Variants in CCDC178 observed in about 807,000 individuals in gnomAD.
CCDC178 encodes coiled-coil domain-containing protein 178.
A neutral mutation model predicts 117.4 loss-of-function variants in CCDC178; 126 were observed. That is an observed-to-expected ratio of 1.07 (90% CI 0.93 to 1.24). CCDC178 has a LOEUF of 1.24. Ranked by LOEUF, CCDC178 falls within the 50% of genes most tolerant of loss-of-function variation. The probability of loss-of-function intolerance (pLI) is 0.00; values close to 1 mark genes in which losing one functional copy is unlikely to be tolerated. For missense variants in CCDC178, 1,030 were observed against 986.9 expected (o/e 1.04, Z -0.59); for synonymous variants, 283 against 313.4 (o/e 0.90, Z 1.02).
intron 22 of CCDC178, among the ~76,000 whole-genome samples, chr18:32,942,066 G>A (rs1003418355): frequency 7.2e-5 from 11 of 152,156 alleles, no homozygotes; most frequent in African/African-American, 2.4e-4. Flanking sequence ...AGAGAAAATG[G>A]GAGGATATAT....
chr18:33,237,303 G>A (rs1303407851), intron 15 of CCDC178, among the ~76,000 whole-genome samples: 1 of 152,046 alleles, frequency 6.6e-6, no homozygotes, highest in African/African-American at 2.4e-5. Context: ...TTCCATCTAG[G>A]AAAGGATCTG....
chr18:32,962,867 A>C (rs2054734845), intron 22 of CCDC178, among the ~76,000 whole-genome samples: 1 of 152,090 alleles, frequency 6.6e-6, no homozygotes, highest in African/African-American at 2.4e-5. Context: ...AATACTATAC[A>C]AAAAATACCT....
At chr18:33,175,613 A>C (rs992039363) in intron 20 of CCDC178, among the ~76,000 whole-genome samples, 5 of 152,158 alleles carry the variant, frequency 3.3e-5, no homozygotes, top group South Asian at 2.1e-4. Context: ...TTTCTATCTG[A>C]AACACTAAGC....
In CCDC178 at chr18:33,382,854, C is replaced by T. The variant is rs555933672; in HGVS notation, c.208+6686G>A. Among the ~76,000 whole-genome samples the T allele has an allele frequency of 2.7e-4, 41 of 152,254 alleles. No individual in the cohort carries two copies. The East Asian group carries it at 7.4e-3, about 27-fold the overall frequency. Reference sequence around the variant, plus strand: ...CACTCACATGGAAAGGGGGCTGAAGCCAGGGAGCCAGCAGTCTTGCTTGGC... The same window carrying T: ...CACTCACATGGAAAGGGGGCTGAAGTCAGGGAGCCAGCAGTCTTGCTTGGC... On this transcript the variant is annotated intron_variant, in intron 5 of 22. Transcript: ENST00000383096.
At chr18:33,050,339 A>T (rs1178844546) in intron 21 of CCDC178, among the ~76,000 whole-genome samples, 3 of 152,212 alleles carry the variant, frequency 2.0e-5, no homozygotes, top group Non-Finnish European at 4.4e-5. Context: ...AAACCGCCGA[A>T]GTTTGAAATC....
intron 20 of CCDC178, among the ~76,000 whole-genome samples, chr18:33,179,081 ATATATATAT>A (rs2058699475): frequency 1.6e-5 from 1 of 62,140 alleles, no homozygotes; most frequent in Non-Finnish European, 2.8e-5. Context: ...AAAAAAAAAT[ATATATATAT>A]ATATATATAT....
chr18:33,141,132 T>A (rs1051079784), intron 20 of CCDC178, among the ~76,000 whole-genome samples: 8 of 152,284 alleles, frequency 5.3e-5, no homozygotes, highest in African/African-American at 1.7e-4. Context: ...CAATTAAACC[T>A]CTTTTTTATT....
At chr18:32,999,247 T>C (rs941048765) in intron 21 of CCDC178, among the ~76,000 whole-genome samples, 1 of 152,080 alleles carries the variant, frequency 6.6e-6, no homozygotes, top group Non-Finnish European at 1.5e-5. Flanking sequence ...GAGAGAATCA[T>C]CTGCTTATTA....
chr18:33,348,951 G>A lies in CCDC178; in HGVS notation c.396C>T (p.Asp132=), dbSNP rs2062933069. The part of the protein sequence containing the change: ...EEWSRTSSTK[D]LKEDWSVTTP... ...TAGTTACACTCCAATCTTCTTTCAGGTCTTTTGTGGAAGAAGTTCTGCTCC... is the reference window on the plus strand; with the variant it reads ...TAGTTACACTCCAATCTTCTTTCAGATCTTTTGTGGAAGAAGTTCTGCTCC... Residue 132 remains aspartate (D), a synonymous_variant, in exon 8 of 23, where the codon GAC becomes GAT. Coordinates refer to ENST00000383096, the MANE Select transcript of CCDC178 (RefSeq NM_001105528.4). 6.2e-7 allele frequency: 1 copy of A among 1,608,576 alleles called. No individual in the cohort carries two copies. Among genetic ancestry groups the A allele is most frequent in the Non-Finnish European group, 8.5e-7 (1 of 1,177,126 alleles).
chr18:33,418,111 C>T (rs538145669), intron 2 of CCDC178, among the ~76,000 whole-genome samples: 2 of 152,252 alleles, frequency 1.3e-5, no homozygotes, highest in African/African-American at 4.8e-5. Context: ...TACTAGCAAA[C>T]CAAATTCAAC....
chr18:33,030,871 T>C (rs1339673090), intron 21 of CCDC178, among the ~76,000 whole-genome samples: 1 of 152,116 alleles, frequency 6.6e-6, no homozygotes, highest in Non-Finnish European at 1.5e-5. Flanking sequence ...AGAATTCCAA[T>C]AGACTGACCA....
intron 20 of CCDC178, among the ~76,000 whole-genome samples, chr18:33,189,201 G>C (rs1392937058): frequency 6.6e-6 from 1 of 152,112 alleles, no homozygotes; most frequent in African/African-American, 2.4e-5. Flanking sequence ...GCTAATAACA[G>C]AAACCCCATG....
At chr18:33,028,094 T>C (rs1297096542) in intron 21 of CCDC178, among the ~76,000 whole-genome samples, 1 of 151,502 alleles carries the variant, frequency 6.6e-6, no homozygotes, top group African/African-American at 2.4e-5. Flanking sequence ...AGTGAAAGAA[T>C]TGCAAACAAA....
At chr18:33,232,864 C>A (rs541500301) in intron 15 of CCDC178, among the ~76,000 whole-genome samples, 1 of 152,164 alleles carries the variant, frequency 6.6e-6, no homozygotes, top group South Asian at 2.1e-4. Flanking sequence ...ACTACAAAAG[C>A]AGAAGTCTCA....
intron 21 of CCDC178, among the ~76,000 whole-genome samples, chr18:33,020,676 T>C (rs903007407): frequency 7.2e-5 from 11 of 152,216 alleles, no homozygotes; most frequent in Non-Finnish European, 1.6e-4. Context: ...AATTACGTAC[T>C]GAGTTTCTCC....
chr18:33,039,108 C>T (rs1268938479), intron 21 of CCDC178, among the ~76,000 whole-genome samples: 3 of 151,824 alleles, frequency 2.0e-5, no homozygotes, highest in African/African-American at 7.3e-5. Flanking sequence ...AACAAAGAGA[C>T]ATGAAAATAA....
intron 20 of CCDC178, among the ~76,000 whole-genome samples, chr18:33,210,761 A>AG (rs1420001164): frequency 6.6e-6 from 1 of 152,052 alleles, no homozygotes; most frequent in African/African-American, 2.4e-5. Flanking sequence ...TGCTCTAAGA[A>AG]GAGGCATCAC....
At chr18:33,194,179 C>T (rs1052671372) in intron 20 of CCDC178, among the ~76,000 whole-genome samples, 10 of 151,760 alleles carry the variant, frequency 6.6e-5, no homozygotes, top group African/African-American at 1.5e-4. Flanking sequence ...TAGGAGCTAA[C>T]GTTTATTGTG....
chr18:32,966,565 T>C (rs978393731), intron 22 of CCDC178, among the ~76,000 whole-genome samples: 1 of 151,884 alleles, frequency 6.6e-6, no homozygotes, highest in African/African-American at 2.4e-5. Flanking sequence ...ATTTTGCTAC[T>C]CAGTGGCATA....
Sources: gnomAD v4.1 joint callset for allele counts (sites outside exome capture counted in the v4.1 genomes callset) on GRCh38, gnomAD v4.1.1 for gene constraint, MANE v1.5 for transcripts, NCBI Gene and HGNC (gene_info 2026-07-23, HGNC 2026-07-21) for gene names.